Variants in GIT2 observed in about 807,000 individuals in gnomAD.
The protein encoded by GIT2 is GIT ArfGAP 2.
In GIT2, 32 loss-of-function variants were observed where a neutral mutation model predicts 100.3. The observed-to-expected ratio is 0.32, with a 90% CI of 0.24 to 0.43. The LOEUF is 0.43. GIT2 is among the 20% of genes least tolerant of loss of function. GIT2 has a pLI of 1.00. For synonymous variants in GIT2, 353 were observed against 364.1 expected, an observed-to-expected ratio of 0.97 and a Z score of 0.35; for missense variants, 737 against 975.1, an observed-to-expected ratio of 0.76 and a Z score of 3.25.
intron 6 of GIT2, chr12:109,982,767 G>C (rs887531937): frequency 2.0e-5 from 3 of 151,580 alleles, no homozygotes; most frequent in Non-Finnish European, 4.4e-5. Flanking sequence ...CAGCCTCCCG[G>C]GTAGCGGGAT....
At chr12:109,988,278 CA>C (rs1331313389) in intron 4 of GIT2, among the ~76,000 whole-genome samples, 1 of 152,134 alleles carries the variant, frequency 6.6e-6, no homozygotes, top group Non-Finnish European at 1.5e-5. Context: ...AACCGACTGA[CA>C]AAAAAGCTAT....
At chr12:109,955,797 T>G (rs1879265272) in intron 12 of GIT2, among the ~76,000 whole-genome samples, 1 of 152,134 alleles carries the variant, frequency 6.6e-6, no homozygotes, top group African/African-American at 2.4e-5. Flanking sequence ...CACTATAGCT[T>G]CTAACTCTTG....
chr12:109,988,206 T>G (rs1379426027), intron 4 of GIT2, among the ~76,000 whole-genome samples: 1 of 152,194 alleles, frequency 6.6e-6, no homozygotes, highest in Non-Finnish European at 1.5e-5. Flanking sequence ...GACTTACTTT[T>G]CCTCTTTGCC....
intron 4 of GIT2, among the ~76,000 whole-genome samples, chr12:109,984,437 T>G (rs992594272): frequency 6.6e-6 from 1 of 151,456 alleles, no homozygotes; most frequent in Admixed American, 6.6e-5. Flanking sequence ...TAAAAAAAAT[T>G]TTAAAAGGTG....
intron 4 of GIT2, among the ~76,000 whole-genome samples, chr12:109,984,274 G>A (rs1886909328): frequency 6.6e-6 from 1 of 151,908 alleles, no homozygotes; most frequent in South Asian, 2.1e-4. Flanking sequence ...GTTGGGTGTG[G>A]TGGCATGCGC....
chr12:109,967,811 G>C (rs867692045), intron 7 of GIT2, among the ~76,000 whole-genome samples: 4 of 152,196 alleles, frequency 2.6e-5, no homozygotes, highest in African/African-American at 4.8e-5. Context: ...TGAGGGAGCT[G>C]AATCAGCTCA....
intron 18 of GIT2, among the ~76,000 whole-genome samples, chr12:109,938,141 T>C (rs1034154786): frequency 1.3e-5 from 2 of 152,074 alleles, no homozygotes; most frequent in Admixed American, 1.3e-4. Flanking sequence ...CAATCCTGTT[T>C]CTAGAGGCAT....
rs781472362 is a variant in GIT2 at position 109,946,544 on chromosome 12, T to C, written c.1641+712A>G. Reference sequence around the variant, plus strand: ...TATTTGAAAACCTTATAACACAGTATGTATCCCAATGCAAAATAAGATTGT... The same window carrying C: ...TATTTGAAAACCTTATAACACAGTACGTATCCCAATGCAAAATAAGATTGT... On this transcript the variant is annotated intron_variant, in intron 15 of 19. Coordinates refer to ENST00000355312, the MANE Select transcript of GIT2 (RefSeq NM_057169.5). Among the ~76,000 whole-genome samples the C allele has an allele frequency of 8.4e-4, 128 of 152,248 alleles. 1 individual carries two copies. The highest frequency in any genetic ancestry group is 1.9e-4 in the Non-Finnish European group (13 of 68,046).
chr12:109,961,444 C>T, intron 10 of GIT2, 69 bp from the exon 11 acceptor site: 4 of 1,050,568 alleles, frequency 3.8e-6, no homozygotes, highest in African/African-American at 1.6e-5. Flanking sequence ...GGAGGCACAG[C>T]TCACGCACTA....
rs2136169834 is a variant in GIT2, at chr12:109,939,472, C to G, written c.1732-225G>C. On this transcript the variant is annotated intron_variant, in intron 16 of 19. Coordinates refer to ENST00000355312, the MANE Select transcript of GIT2 (RefSeq NM_057169.5). ...TTCTTCTTAGCTCAGTGGCCACTTC[C>G]TAATCAGATCCTTAGTACAAACTAA... 3 of 405,600 alleles carry G rather than the reference C, an allele frequency of 7.4e-6. No individual in the cohort carries two copies. In the East Asian group the frequency reaches 1.6e-4, roughly 22 times the overall value. The allele number at this position is 405,600 out of a possible 1,614,324, so 25.1% of individuals were successfully genotyped here.
chr12:109,952,699 T>G, intron 13 of GIT2: 1 of 497,458 alleles, frequency 2.0e-6, no homozygotes, highest in South Asian at 1.5e-5. Context: ...AGCCATAGAT[T>G]CTCTCTCTGC....
chr12:109,935,545 G>A (rs770816179), intron 18 of GIT2, among the ~76,000 whole-genome samples: 12 of 152,194 alleles, frequency 7.9e-5, no homozygotes, highest in Non-Finnish European at 1.6e-4. Flanking sequence ...GGGATTACAG[G>A]TTTGCACCAC....
In GIT2 at chr12:109,960,344, C is replaced by T. The variant is rs148780687; in HGVS notation, c.988-386G>A. Among the ~76,000 whole-genome samples the T allele has an allele frequency of 2.7e-3, 404 of 152,164 alleles. 1 individual carries two copies. The highest frequency in any genetic ancestry group is 0.016 in the East Asian group (81 of 5,176). ...GGAATTTTTAAATTTTAAGTTTAGG[C>T]CGGGTGCAGTGGCTCACGCCTGTAA... On this transcript the variant is annotated intron_variant, in intron 11 of 19. Coordinates refer to ENST00000355312, the MANE Select transcript of GIT2 (RefSeq NM_057169.5).
At chr12:109,959,600 C>T (rs971712671) in intron 12 of GIT2, among the ~76,000 whole-genome samples, 1 of 151,922 alleles carries the variant, frequency 6.6e-6, no homozygotes, top group Non-Finnish European at 1.5e-5. Flanking sequence ...GTGGGTGGGG[C>T]TGAGGGGAGG....
In GIT2 at chr12:109,964,098, T is replaced by G. The variant is rs79638031; in HGVS notation, c.816+1428A>C. 3.7e-4 allele frequency among the ~76,000 whole-genome samples: 57 copies of G among 152,304 alleles called. 1 individual carries two copies. The East Asian group carries it at 0.01, about 27-fold the overall frequency. ...AAATGTAGGATAGTCTAAGAAAACG[T>G]GGGTTTTTATCTAGGTTTGAATTAT... On this transcript the variant is annotated intron_variant, in intron 9 of 19. Coordinates refer to ENST00000355312, the MANE Select transcript of GIT2 (RefSeq NM_057169.5).
At chr12:109,938,270 G>T in intron 18 of GIT2, 110 bp downstream of exon 18, 1 of 726,466 alleles carries the variant, frequency 1.4e-6, no homozygotes, top group Non-Finnish European at 2.3e-6. Context: ...TGTTTTCAAT[G>T]ACCTTGAAGT....
At chr12:109,939,926 G>GACCTTCAGCACTGGAAGCC (rs1164143154) in intron 16 of GIT2, 1 of 152,074 alleles carries the variant, frequency 6.6e-6, no homozygotes, top group African/African-American at 2.4e-5. Flanking sequence ...TATGACCACA[G>GACCTTCAGCACTGGAAGCC]ACCTTCAGCA....
chr12:109,959,873 T>G lies in GIT2; in HGVS notation c.1073A>C (p.Gln358Pro). The G allele has an allele frequency of 5.6e-6, 9 of 1,612,488 alleles. No homozygotes were observed. The highest frequency in any genetic ancestry group is 7.6e-6 in the Non-Finnish European group (9 of 1,178,488). ...DILSDAKRRQ[Q>P]GSSLSGSKDN... ...TTTTGAACCCGAGAGAGAACTGCCC[T>G]GCTGTCTCCTCTTGGCGTCACTGAG... The change falls in exon 12 of 20, where the codon CAG becomes CCG. Residue 358 changes from glutamine to proline, a missense_variant. Gln to Pro is a moderately conservative substitution (Grantham distance 76). Around this residue, in one of 3 missense-constraint regions of GIT2, gnomAD observed 451 missense variants for 543.7 expected, o/e 0.83. Transcript: ENST00000355312.
intron 4 of GIT2, among the ~76,000 whole-genome samples, chr12:109,988,439 G>A (rs1265004836): frequency 3.3e-5 from 5 of 152,070 alleles, no homozygotes; most frequent in African/African-American, 1.2e-4. Flanking sequence ...CTACTCGGGA[G>A]GCTGAGGTGG....
Sources: gnomAD v4.1 joint callset for allele counts (sites outside exome capture counted in the v4.1 genomes callset) on GRCh38, gnomAD v4.1.1 for gene constraint, gnomAD v4.1.1 regional missense constraint, MANE v1.5 for transcripts, NCBI Gene and HGNC (gene_info 2026-07-23, HGNC 2026-07-21) for gene names.